The following MITD1 variants were observed in gnomAD, a reference collection of about 807,000 sequenced individuals.
MITD1 encodes the protein MIT domain-containing protein 1.
MITD1 carries 24 observed loss-of-function variants against 34.9 expected under a neutral mutation model. That is an observed-to-expected ratio of 0.69 (90% CI 0.50 to 0.97). The LOEUF (loss-of-function observed/expected upper bound fraction) is 0.97. Ranked by LOEUF, MITD1 falls within the 50% of genes least tolerant of loss-of-function variation. MITD1 has a pLI of 0.00. For missense variants in MITD1, 266 were observed against 294.6 expected, an observed-to-expected ratio of 0.90 and a Z score of 0.71; for synonymous variants, 102 against 101.4, an observed-to-expected ratio of 1.01 and a Z score of -0.04.
At chr2:99,168,470 C>G (rs1388750420), downstream of MITD1, among the ~76,000 whole-genome samples, 4 of 152,172 alleles carry the variant, frequency 2.6e-5, no homozygotes, top group African/African-American at 9.7e-5. Context: ...GGACCGCCCA[C>G]TACCTCTAGC....
Position 99,162,169 on chromosome 2 carries a change from C to G in MITD1, c.*53G>C, listed in dbSNP as rs767568897. 4.3e-6 allele frequency: 7 copies of G among 1,613,978 alleles called. No individual in the cohort carries two copies. In the South Asian group the frequency reaches 7.7e-5, roughly 18 times the overall value. On this transcript the variant is annotated 3_prime_UTR_variant, in exon 8 of 8. Coordinates refer to the MITD1 transcript ENST00000422537. ...CTATTCTTTTGGCAGAATTCTCCCT[C>G]TGTTGTAATTGGTAGGCATCAAAAT...
intron 1 of MITD1, chr2:99,178,187 C>A (rs780909686): frequency 6.6e-6 from 1 of 152,170 alleles, no homozygotes; most frequent in South Asian, 2.1e-4. Flanking sequence ...ATTTCATTTC[C>A]TTTGGATATA....
Position 99,180,957 on chromosome 2 carries a change from C to G in MITD1, c.25G>C (p.Asp9His). 1.2e-6 allele frequency: 2 copies of G among 1,613,898 alleles called. No individual in the cohort carries two copies. The highest frequency in any genetic ancestry group is 1.7e-5 in the Admixed American group (1 of 59,960). Reference sequence around the variant, plus strand: ...GTGGCTGCAGCTGTGCTCTGCGGGTCCTGCCTCAGCCCGGACTTCGCCATA... The same window carrying G: ...GTGGCTGCAGCTGTGCTCTGCGGGTGCTGCCTCAGCCCGGACTTCGCCATA... MAKSGLRQDPQSTAAATVL... is the reference protein window; with the variant it reads MAKSGLRQHPQSTAAATVL... The change falls in exon 1 of 7, where the codon GAC becomes CAC. Residue 9 changes from aspartate (D) to histidine (H), a missense_variant. Transcript: ENST00000289359.
chr2:99,168,384 G>A (rs1372300897), downstream of MITD1, among the ~76,000 whole-genome samples: 3 of 152,146 alleles, frequency 2.0e-5, no homozygotes, highest in South Asian at 2.1e-4. Context: ...CAGGTGATCC[G>A]CCTGCCTTTG....
At chr2:99,163,892 C>T (rs989925487) in intron 7 of MITD1, among the ~76,000 whole-genome samples, 6 of 152,182 alleles carry the variant, frequency 3.9e-5, no homozygotes, top group African/African-American at 1.4e-4. Context: ...CTTAACCCTT[C>T]CCTAATCTCT....
intron 7 of MITD1, among the ~76,000 whole-genome samples, chr2:99,163,757 G>C (rs777909583): frequency 6.6e-6 from 1 of 152,098 alleles, no homozygotes; most frequent in Non-Finnish European, 1.5e-5. Context: ...ATCTCTCGGA[G>C]ATATAACCCA....
intron 1 of MITD1, among the ~76,000 whole-genome samples, chr2:99,179,044 G>A (rs2093901292): frequency 6.6e-6 from 1 of 152,174 alleles, no homozygotes; most frequent in Non-Finnish European, 1.5e-5. Context: ...ACCTTTAACT[G>A]TTTAAATCCT....
At chr2:99,170,153 AGAAT>A (rs1405510049) in intron 5 of MITD1, among the ~76,000 whole-genome samples, 15 of 152,236 alleles carry the variant, frequency 9.9e-5, no homozygotes, top group Non-Finnish European at 2.2e-4. Context: ...CATGCCTACT[AGAAT>A]ATTTAATAAC....
chr2:99,173,799 T>A, intron 2 of MITD1, 116 bp downstream of exon 2: 1 of 697,272 alleles, frequency 1.4e-6, no homozygotes, highest in Non-Finnish European at 2.6e-6. Flanking sequence ...TCCTGTAAGC[T>A]CCCAGGGACA....
intron 1 of MITD1, among the ~76,000 whole-genome samples, chr2:99,180,448 A>G (rs373685054): frequency 1.2e-4 from 18 of 151,832 alleles, no homozygotes; most frequent in African/African-American, 2.4e-4. Context: ...AAAGTTTTGG[A>G]AAAAAAATCA....
chr2:99,163,109 A>G (rs760094565), intron 7 of MITD1: 4 of 1,426,648 alleles, frequency 2.8e-6, no homozygotes, highest in Non-Finnish European at 2.8e-6. Context: ...TACAGTTTCA[A>G]TTAGAAAATA....
rs761188139 is a variant in MITD1 at position 99,171,341 on chromosome 2, A to G, written c.477+2T>C. On this transcript the variant is annotated splice_donor_variant, in intron 4 of 6. Coordinates refer to ENST00000289359, the MANE Select transcript of MITD1 (RefSeq NM_138798.3). LOFTEE classifies it high-confidence loss of function. ...AAAGAGTAAGTGCTTTCAGGTACCTACTTCATCCAGAGAGGTGAGAAGGTG... is the reference window on the plus strand; with the variant it reads ...AAAGAGTAAGTGCTTTCAGGTACCTGCTTCATCCAGAGAGGTGAGAAGGTG... The G allele has an allele frequency of 1.9e-6, 3 of 1,603,936 alleles. No homozygotes were observed. The highest frequency in any genetic ancestry group is 1.1e-5 in the South Asian group (1 of 90,706).
At chr2:99,173,685 G>T (rs749941114) in intron 2 of MITD1, 37 of 556,626 alleles carry the variant, frequency 6.6e-5, no homozygotes, top group African/African-American at 6.1e-4. Flanking sequence ...ATGTTCAAAG[G>T]GGTGTCTGAT....
At chr2:99,175,530 T>C (rs1236345370) in intron 1 of MITD1, among the ~76,000 whole-genome samples, 1 of 152,238 alleles carries the variant, frequency 6.6e-6, no homozygotes, top group Non-Finnish European at 1.5e-5. Context: ...CTGCTGATGA[T>C]ATTAACTGAC....
chr2:99,170,737 G>A, intron 4 of MITD1, 85 bp from the exon 5 acceptor site: 2 of 616,154 alleles, frequency 3.2e-6, no homozygotes, highest in Non-Finnish European at 2.9e-6. Flanking sequence ...TATATCACAG[G>A]TGGATTAAGA....
intron 2 of MITD1, 30 bp from the exon 3 acceptor site, chr2:99,171,676 C>T: frequency 6.3e-7 from 1 of 1,584,222 alleles, no homozygotes; most frequent in Non-Finnish European, 8.5e-7. Context: ...ACAGTAAAAC[C>T]AGTGACCATT....
Position 99,180,955 on chromosome 2 carries a change from G to A in MITD1, c.27C>T (p.Asp9=), listed in dbSNP as rs199642182. 6.2e-7 allele frequency: 1 copy of A among 1,613,900 alleles called. No homozygotes were observed. The change falls in exon 1 of 7, where the codon GAC becomes GAT. Residue 9 remains aspartate (D), a synonymous_variant. Transcript: ENST00000289359. MAKSGLRQ[D]PQSTAAATVL... ...CAGTGGCTGCAGCTGTGCTCTGCGGGTCCTGCCTCAGCCCGGACTTCGCCA... is the reference window on the plus strand; with the variant it reads ...CAGTGGCTGCAGCTGTGCTCTGCGGATCCTGCCTCAGCCCGGACTTCGCCA...
At chr2:99,176,635 A>G (rs1037939958) in intron 1 of MITD1, among the ~76,000 whole-genome samples, 6 of 151,800 alleles carry the variant, frequency 4.0e-5, no homozygotes, top group African/African-American at 1.2e-4. Context: ...CCATTCGTAA[A>G]CTTTCTTAAA....
chr2:99,166,730 A>T (rs1157901727), downstream of MITD1, among the ~76,000 whole-genome samples: 1 of 150,958 alleles, frequency 6.6e-6, no homozygotes, highest in African/African-American at 2.4e-5. Flanking sequence ...TATAAATTTG[A>T]TCTCTCATTT....
Sources: gnomAD v4.1 joint callset for allele counts (sites outside exome capture counted in the v4.1 genomes callset) on GRCh38, gnomAD v4.1.1 for gene constraint, MANE v1.5 for transcripts, NCBI Gene and HGNC (gene_info 2026-07-23, HGNC 2026-07-21) for gene names.